Variants in FSTL4 observed in about 807,000 individuals in gnomAD.
The protein encoded by FSTL4 is follistatin like 4, also known as follistatin-related protein 4.
FSTL4 carries 28 observed loss-of-function variants against 78.2 expected under a neutral mutation model. That is an observed-to-expected ratio of 0.36 (90% CI 0.27 to 0.49). The LOEUF (loss-of-function observed/expected upper bound fraction) is 0.49. FSTL4 is among the 20% of genes least tolerant of loss of function. The pLI, the probability that FSTL4 is intolerant of heterozygous loss-of-function variation, is 0.98. For synonymous variants in FSTL4, 422 were observed against 440.5 expected (o/e 0.96, Z 0.53); for missense variants, 922 against 1,084.9 (o/e 0.85, Z 2.11).
the FSTL4 span, among the ~76,000 whole-genome samples, chr5:133,635,520 T>C: frequency 6.6e-6 from 1 of 152,006 alleles, no homozygotes; most frequent in African/African-American, 2.4e-5. Context: ...TCCCAGCACG[T>C]TGGGAGGCCA....
At chr5:133,693,423 C>A in the FSTL4 span, among the ~76,000 whole-genome samples, 1 of 151,932 alleles carries the variant, frequency 6.6e-6, no homozygotes, top group Admixed American at 6.6e-5. Context: ...ATTACAATAC[C>A]CTATGCATCT....
intron 3 of FSTL4, among the ~76,000 whole-genome samples, chr5:133,504,268 AATCTAGGAAGTATCCCTG>A (rs1758566526): frequency 6.6e-6 from 1 of 152,082 alleles, no homozygotes; most frequent in Non-Finnish European, 1.5e-5. Context: ...AAAAGGCAGG[AATCTAGGAAGTATCCCTG>A]AAGCTCCTTT....
chr5:133,646,788 A>C, the FSTL4 span, among the ~76,000 whole-genome samples: 1 of 152,116 alleles, frequency 6.6e-6, no homozygotes, highest in Non-Finnish European at 1.5e-5. Flanking sequence ...TGAGTTGAGA[A>C]GATAAGAAGG....
intron 4 of FSTL4, chr5:133,387,879 C>A (rs1481984838): frequency 6.6e-6 from 1 of 152,038 alleles, no homozygotes; most frequent in Non-Finnish European, 1.5e-5. Context: ...CTGATCCTTC[C>A]CATGGTCTCT....
the FSTL4 span, among the ~76,000 whole-genome samples, chr5:133,724,955 C>G: frequency 6.6e-6 from 1 of 152,144 alleles, no homozygotes; most frequent in Non-Finnish European, 1.5e-5. Context: ...ATTCCAGCAC[C>G]ATTTGTTGAA....
At chr5:133,662,108 A>G in the FSTL4 span, among the ~76,000 whole-genome samples, 3 of 152,284 alleles carry the variant, frequency 2.0e-5, no homozygotes, top group East Asian at 3.9e-4. Context: ...TAGCCAGTAC[A>G]TTTTTACTTC....
chr5:133,593,281 C>T lies in FSTL4; in HGVS notation c.126+10577G>A, dbSNP rs1285825703. Among the ~76,000 whole-genome samples, 4 of 152,148 alleles carry T rather than the reference C, an allele frequency of 2.6e-5. No individual in the cohort carries two copies. In the East Asian group the frequency reaches 7.7e-4, roughly 29 times the overall value. On this transcript the variant is annotated intron_variant, in intron 2 of 15. Transcript: ENST00000265342. Reference sequence around the variant, plus strand: ...CACCCACATCCTCTACACTGCCAGCCCAAGTCCTCTGAGGAGAGCTTAGGT... The same window carrying T: ...CACCCACATCCTCTACACTGCCAGCTCAAGTCCTCTGAGGAGAGCTTAGGT...
At chr5:133,704,550 C>T in the FSTL4 span, among the ~76,000 whole-genome samples, 13 of 152,302 alleles carry the variant, frequency 8.5e-5, no homozygotes, top group South Asian at 2.1e-4. Context: ...TCAAAGGCAC[C>T]GGGTTGCCAT....
the FSTL4 span, among the ~76,000 whole-genome samples, chr5:133,837,913 A>G: frequency 3.9e-5 from 6 of 151,904 alleles, 1 homozygote; most frequent in Non-Finnish European, 7.4e-5. Context: ...TTTAGGACAG[A>G]GTCTTGCTCT....
At chr5:133,605,327 G>A (rs1760955332) in intron 1 of FSTL4, among the ~76,000 whole-genome samples, 1 of 152,146 alleles carries the variant, frequency 6.6e-6, no homozygotes, top group South Asian at 2.1e-4. Flanking sequence ...GAGCTCCTTG[G>A]AGGCCAGCAT....
intron 3 of FSTL4, among the ~76,000 whole-genome samples, chr5:133,404,699 TGTGGAAGGCAAGCCCGTCTGACCCCG>T (rs1459315907): frequency 6.6e-6 from 1 of 152,042 alleles, no homozygotes; most frequent in Non-Finnish European, 1.5e-5. Flanking sequence ...ATTGAGCGGT[TGTGGAAGGCAAGCCCGTCTGACCCCG>T]GTGGAAGGCA....
intron 4 of FSTL4, among the ~76,000 whole-genome samples, chr5:133,318,002 C>T (rs1753950488): frequency 6.6e-6 from 1 of 152,176 alleles, no homozygotes; most frequent in Non-Finnish European, 1.5e-5. Flanking sequence ...CTTGATAAGC[C>T]TGGACAGCCC....
chr5:133,687,661 T>G, the FSTL4 span, among the ~76,000 whole-genome samples: 3,270 of 152,342 alleles, frequency 0.021, 108 homozygotes, highest in African/African-American at 0.075. Flanking sequence ...GTGGTTTGTT[T>G]AGGCACGTTC....
At chr5:133,638,544 C>G in the FSTL4 span, among the ~76,000 whole-genome samples, 1 of 152,106 alleles carries the variant, frequency 6.6e-6, no homozygotes, top group Admixed American at 6.5e-5. Context: ...ACGTCCCTTC[C>G]CAGGTACCCA....
Position 133,595,113 on chromosome 5 carries a change from C to G in FSTL4, c.126+8745G>C, listed in dbSNP as rs549763911. On this transcript the variant is annotated intron_variant, in intron 2 of 15. Transcript: ENST00000265342. ...GTTTTGGCAAGGGTCTGGCTGCCTGCCAGTGATGCTGGCCTCTGCAGAGGA... is the reference window on the plus strand; with the variant it reads ...GTTTTGGCAAGGGTCTGGCTGCCTGGCAGTGATGCTGGCCTCTGCAGAGGA... Among the ~76,000 whole-genome samples, 4 of 152,316 alleles carry G rather than the reference C, an allele frequency of 2.6e-5. No homozygotes were observed. The South Asian group carries it at 8.3e-4, about 32-fold the overall frequency.
At chr5:133,405,773 C>A (rs906114036) in intron 3 of FSTL4, among the ~76,000 whole-genome samples, 1 of 152,244 alleles carries the variant, frequency 6.6e-6, no homozygotes, top group Non-Finnish European at 1.5e-5. Context: ...TGGTATGCAG[C>A]TGCAGAATTC....
chr5:133,410,198 C>T lies in FSTL4; in HGVS notation c.161-9212G>A, dbSNP rs192660406. Among the ~76,000 whole-genome samples the T allele has an allele frequency of 3.3e-3, 504 of 152,264 alleles. 4 individuals are homozygous for T. The highest frequency in any genetic ancestry group is 0.011 in the African/African-American group (472 of 41,538). On this transcript the variant is annotated intron_variant, in intron 3 of 15. Transcript: ENST00000265342. ...CCTTGGGAGAGTTTCTTTTACAAAA[C>T]GGCTTTGTTTTAGACACTTCCTCCA... is the stretch of plus-strand genomic sequence containing the variant.
At chr5:133,432,907 T>A (rs979638744) in intron 3 of FSTL4, among the ~76,000 whole-genome samples, 17 of 152,186 alleles carry the variant, frequency 1.1e-4, no homozygotes, top group African/African-American at 4.1e-4. Context: ...ATCTGGCAAT[T>A]TTTCATATGC....
intron 2 of FSTL4, among the ~76,000 whole-genome samples, chr5:133,602,102 T>C (rs1323799023): frequency 1.3e-5 from 2 of 152,140 alleles, no homozygotes; most frequent in African/African-American, 2.4e-5. Context: ...TTAGAAGTTA[T>C]AATACTGCAA....
Sources: allele counts gnomAD v4.1 joint callset (sites outside exome capture counted in the v4.1 genomes callset), GRCh38; gene constraint gnomAD v4.1.1; transcripts MANE v1.5; gene names NCBI Gene and HGNC (gene_info 2026-07-23, HGNC 2026-07-21).